Variants in XKR4 observed in about 807,000 individuals in gnomAD.
XKR4 encodes XK related 4, also known as XK-related protein 4.
A neutral mutation model predicts 53.9 loss-of-function variants in XKR4; 12 were observed. The ratio of observed to expected loss-of-function variants is 0.22; its 90% CI spans 0.14 to 0.36. The LOEUF (loss-of-function observed/expected upper bound fraction) is 0.36, where lower values mean the gene tolerates loss of function less well. XKR4 is among the 10% of genes least tolerant of loss of function. The probability of loss-of-function intolerance (pLI) is 1.00; values close to 1 mark genes in which losing one functional copy is unlikely to be tolerated. For missense variants in XKR4, 799 were observed against 859.5 expected (o/e 0.93, Z 0.88); for synonymous variants, 354 against 362.4 (o/e 0.98, Z 0.26).
intron 2 of XKR4, among the ~76,000 whole-genome samples, chr8:55,464,398 C>T (rs1228690161): frequency 1.3e-5 from 2 of 152,120 alleles, no homozygotes; most frequent in African/African-American, 2.4e-5. Flanking sequence ...TCAATAGATG[C>T]AGAAAACGCC....
At chr8:55,241,042 T>A (rs979254815) in intron 1 of XKR4, among the ~76,000 whole-genome samples, 1 of 152,218 alleles carries the variant, frequency 6.6e-6, no homozygotes, top group Non-Finnish European at 1.5e-5. Flanking sequence ...ATTTTAAGAA[T>A]AAAGGCTTCA....
chr8:55,418,151 A>C (rs910642109), intron 2 of XKR4, among the ~76,000 whole-genome samples: 3 of 151,964 alleles, frequency 2.0e-5, no homozygotes, highest in Admixed American at 2.0e-4. Context: ...TTATTAAGGC[A>C]AGGGGGTGAG....
chr8:55,483,669 T>G (rs1806148377), intron 2 of XKR4, among the ~76,000 whole-genome samples: 1 of 151,498 alleles, frequency 6.6e-6, no homozygotes, highest in African/African-American at 2.4e-5. Context: ...AAAACAAAAA[T>G]ACAACATATA....
chr8:55,450,254 G>C, intron 2 of XKR4: 1 of 660,212 alleles, frequency 1.5e-6, no homozygotes, highest in Non-Finnish European at 2.6e-6. Context: ...TCTTCCTCAG[G>C]GGCTCAGGGG....
chr8:55,322,506 G>A (rs1486292756), intron 1 of XKR4, among the ~76,000 whole-genome samples: 2 of 152,146 alleles, frequency 1.3e-5, no homozygotes, highest in African/African-American at 2.4e-5. Context: ...GCTTGAAATT[G>A]TGAAACCATA....
chr8:55,382,098 A>C (rs1804243748), intron 2 of XKR4, among the ~76,000 whole-genome samples: 1 of 152,272 alleles, frequency 6.6e-6, no homozygotes, highest in South Asian at 2.1e-4. Flanking sequence ...AGGCTTTATA[A>C]CATTGTAATT....
At chr8:55,354,491 G>T (rs1389663066) in intron 1 of XKR4, among the ~76,000 whole-genome samples, 1 of 152,210 alleles carries the variant, frequency 6.6e-6, no homozygotes, top group Non-Finnish European at 1.5e-5. Flanking sequence ...AGAGGCAGCT[G>T]ATAGCAGAAA....
At chr8:55,358,568 G>A (rs889736648) in intron 2 of XKR4, among the ~76,000 whole-genome samples, 3 of 152,200 alleles carry the variant, frequency 2.0e-5, no homozygotes, top group Admixed American at 1.3e-4. Flanking sequence ...TTTAAAGCCT[G>A]CTGCTCAAAT....
In XKR4 at chr8:55,358,070, C is replaced by A. The variant is rs183031495; in HGVS notation, c.1006+193C>A. ...TCATGACTGATTAATTGAAAGACAG[C>A]GCATTTTTGCTCTCCAGCTGTCCTC... is the stretch of plus-strand genomic sequence containing the variant. On this transcript the variant is annotated intron_variant, in intron 2 of 2. Coordinates refer to ENST00000327381, the MANE Select transcript of XKR4 (RefSeq NM_052898.2). 2.0e-5 allele frequency among the ~76,000 whole-genome samples: 3 copies of A among 151,998 alleles called. No individual in the cohort carries two copies. The East Asian group carries it at 5.8e-4, about 29-fold the overall frequency.
intron 2 of XKR4, among the ~76,000 whole-genome samples, chr8:55,394,229 G>A (rs2658904): frequency 0.67 from 101,496 of 151,904 alleles, 34,598 homozygotes; most frequent in African/African-American, 0.8. Flanking sequence ...TTAGTTATGC[G>A]CTATCGATAT....
At chr8:55,486,498 C>T (rs1309977678) in intron 2 of XKR4, among the ~76,000 whole-genome samples, 1 of 152,192 alleles carries the variant, frequency 6.6e-6, no homozygotes. Flanking sequence ...CTAAAAGTCT[C>T]TGCACAATTA....
chr8:55,337,036 C>T (rs1803470014), intron 1 of XKR4, among the ~76,000 whole-genome samples: 1 of 152,096 alleles, frequency 6.6e-6, no homozygotes, highest in South Asian at 2.1e-4. Context: ...AAATATTACG[C>T]TTTATATTTG....
At chr8:55,133,917 C>T (rs1249500665) in intron 1 of XKR4, among the ~76,000 whole-genome samples, 3 of 152,196 alleles carry the variant, frequency 2.0e-5, no homozygotes, top group Non-Finnish European at 4.4e-5. Context: ...AGCTTCTCAG[C>T]TGTGCATTGC....
At chr8:55,244,945 G>A (rs943325793) in intron 1 of XKR4, among the ~76,000 whole-genome samples, 4 of 146,000 alleles carry the variant, frequency 2.7e-5, no homozygotes, top group African/African-American at 7.7e-5. Flanking sequence ...GTTGTCGCCT[G>A]GGCTGGAGTG....
rs1272875752 is a variant in XKR4, at chr8:55,251,465, T to C, written c.807-106213T>C. Among the ~76,000 whole-genome samples the C allele has an allele frequency of 1.3e-5, 2 of 152,230 alleles. 1 individual carries two copies. Among genetic ancestry groups the C allele is most frequent in the East Asian group, 3.8e-4 (2 of 5,196 alleles). The stretch of plus-strand genomic sequence containing the variant: ...ATTTTGTCTGCTGCCACTGCCTGCC[T>C]ATTAACTTTTTTTAAACATAAAGAC... On this transcript the variant is annotated intron_variant, in intron 1 of 2. Coordinates refer to ENST00000327381, the MANE Select transcript of XKR4 (RefSeq NM_052898.2).
rs116743129 is a variant in XKR4 at position 55,452,321 on chromosome 8, G to A, written c.1007-70960G>A. 1,217 of 641,856 alleles carry A rather than the reference G, an allele frequency of 1.9e-3. 10 individuals are homozygous for A. In the African/African-American group the frequency reaches 0.019, roughly 10 times the overall value. 39.8% of individuals were successfully genotyped at this position (641,856 alleles called of 1,614,324 possible). ...CCTTGGTCAGCGCGGCCACCGGGAA[G>A]GAGCGGAACACCACCTTCTCCCCCA... is the stretch of plus-strand genomic sequence containing the variant. On this transcript the variant is annotated intron_variant, in intron 2 of 2. Transcript: ENST00000327381.
chr8:55,453,674 C>G (rs556495329), intron 2 of XKR4: 1 of 410,780 alleles, frequency 2.4e-6, no homozygotes, highest in African/African-American at 2.1e-5. Flanking sequence ...GGGGAAGGGC[C>G]GGGGCGCCCA....
intron 2 of XKR4, among the ~76,000 whole-genome samples, chr8:55,458,075 A>T (rs1263276623): frequency 6.6e-6 from 1 of 152,192 alleles, no homozygotes; most frequent in African/African-American, 2.4e-5. Context: ...TACAGCTGAA[A>T]CTCAATCCAT....
At chr8:55,521,653 C>T (rs1806799697) in intron 2 of XKR4, among the ~76,000 whole-genome samples, 1 of 152,176 alleles carries the variant, frequency 6.6e-6, no homozygotes, top group African/African-American at 2.4e-5. Context: ...AGAAATGGCT[C>T]TTAGAAAATA....
Sources: allele counts gnomAD v4.1 joint callset (sites outside exome capture counted in the v4.1 genomes callset), GRCh38; gene constraint gnomAD v4.1.1; transcripts MANE v1.5; gene names NCBI Gene and HGNC (gene_info 2026-07-23, HGNC 2026-07-21).